The following VASP variants were observed in gnomAD, a reference collection of about 807,000 sequenced individuals.
VASP encodes the protein vasodilator-stimulated phosphoprotein.
A neutral mutation model predicts 54.4 loss-of-function variants in VASP; 27 were observed. The ratio of observed to expected loss-of-function variants is 0.50; its 90% CI spans 0.37 to 0.68. VASP has a LOEUF of 0.68. VASP is among the 30% of genes least tolerant of loss of function. VASP has a pLI of 0.00. For missense variants in VASP, 488 were observed against 528.3 expected, an observed-to-expected ratio of 0.92 and a Z score of 0.75; for synonymous variants, 233 against 209.8, an observed-to-expected ratio of 1.11 and a Z score of -0.96.
In VASP at chr19:45,524,156, C is replaced by A. The variant is rs758292139; in HGVS notation, c.956+14C>A. On this transcript the variant is annotated intron_variant, in intron 10 of 12. Coordinates refer to ENST00000245932, the MANE Select transcript of VASP (RefSeq NM_003370.4). Reference sequence around the variant, plus strand: ...AACCTTGCCAAGGTAGGCCATCGGTCCTGGGGCCCTTGGGGAGGTAAAGGC... The same window carrying A: ...AACCTTGCCAAGGTAGGCCATCGGTACTGGGGCCCTTGGGGAGGTAAAGGC... 2 of 1,612,872 alleles carry A rather than the reference C, an allele frequency of 1.2e-6. No homozygotes were observed. The highest frequency in any genetic ancestry group is 1.7e-5 in the Admixed American group (1 of 59,980).
chr19:45,507,752 C>T lies in VASP; in HGVS notation c.-20C>T. 6.6e-7 allele frequency: 1 copy of T among 1,510,266 alleles called. No homozygotes were observed. The highest frequency in any genetic ancestry group is 8.8e-7 in the Non-Finnish European group (1 of 1,136,480). The allele number at this position is 1,510,266 out of a possible 1,614,324, so 93.6% of individuals were successfully genotyped here. A position where few individuals can be genotyped will look rare whatever the true frequency, so the allele number is the denominator to read the frequency against. On this transcript the variant is annotated 5_prime_UTR_variant, in exon 1 of 13. Coordinates refer to ENST00000245932, the MANE Select transcript of VASP (RefSeq NM_003370.4). This position sits in a 1 kb window ranked among gnomAD's most constrained non-coding sequence, Gnocchi z 4.4. ...GGGAGCAGCCAGCCCGTGGGCGAGC[C>T]GCCCGCCCGCCGAGCAGCCATGAGG...
chr19:45,517,875 A>ACC, intron 2 of VASP, 41 bp downstream of exon 2: 4 of 1,578,744 alleles, frequency 2.5e-6, no homozygotes. Context: ...CTGAACCCCT[A>ACC]CCCGCCCCAC....
chr19:45,513,516 G>T (rs1057155023), intron 1 of VASP, among the ~76,000 whole-genome samples: 2 of 128,656 alleles, frequency 1.6e-5, no homozygotes, highest in Admixed American at 9.7e-5. Flanking sequence ...CTGTCTCCCA[G>T]ACTGGAGTGC....
At chr19:45,519,548 C>T (rs1166426239) in intron 3 of VASP, among the ~76,000 whole-genome samples, 3 of 151,056 alleles carry the variant, frequency 2.0e-5, no homozygotes, top group Admixed American at 1.3e-4. Flanking sequence ...CTTCAGCCTC[C>T]TAAAGTGCTG....
chr19:45,517,542 C>T (rs937890953), intron 1 of VASP, 121 bp from the exon 2 acceptor site: 4 of 1,325,752 alleles, frequency 3.0e-6, no homozygotes, highest in Non-Finnish European at 4.1e-6. Flanking sequence ...GTCCACGTGG[C>T]TCCTGCCTCC....
At chr19:45,521,444 C>A (rs942970721) in intron 4 of VASP, 38 bp downstream of exon 4, 1 of 1,478,368 alleles carries the variant, frequency 6.8e-7, no homozygotes, top group Non-Finnish European at 9.0e-7. Flanking sequence ...TTAGCCGCTG[C>A]CAGAGTTCCA....
At chr19:45,523,564 G>C in intron 7 of VASP, 80 bp from the exon 8 acceptor site, 1 of 1,512,808 alleles carries the variant, frequency 6.6e-7, no homozygotes, top group Non-Finnish European at 9.1e-7. Context: ...TATGCGCTAG[G>C]ATCTACATTT....
At chr19:45,522,928 C>T (rs1968875085) in intron 7 of VASP, 110 bp downstream of exon 7, 1 of 1,132,152 alleles carries the variant, frequency 8.8e-7, no homozygotes, top group South Asian at 1.5e-5. Context: ...GAATGTTCCC[C>T]CTTTGATAAC....
At chr19:45,514,695 CCCCGGGCTCCTGGCCAGAGTCGG>C (rs1177324387) in intron 1 of VASP, among the ~76,000 whole-genome samples, 2 of 152,326 alleles carry the variant, frequency 1.3e-5, no homozygotes, top group Middle Eastern at 3.4e-3. Context: ...GCAGCAGCAG[CCCCGGGCTCCTGGCCAGAGTCGG>C]CCCTGGGTGT....
rs1030988719 is a variant in VASP, at chr19:45,517,925, C to G, written c.178-4C>G. The G allele has an allele frequency of 6.2e-7, 1 of 1,612,782 alleles. No individual in the cohort carries two copies. Among genetic ancestry groups the G allele is most frequent in the African/African-American group, 1.3e-5 (1 of 74,862 alleles). On this transcript the variant is annotated splice_polypyrimidine_tract_variant and splice_region_variant and intron_variant, in intron 2 of 12. Coordinates refer to ENST00000245932, the MANE Select transcript of VASP (RefSeq NM_003370.4). Reference sequence around the variant, plus strand: ...CCCCTCACCCCCCTTTCCCCTCCCACCAGGTGGTCATCAACTGTGCCATCG... The same window carrying G: ...CCCCTCACCCCCCTTTCCCCTCCCAGCAGGTGGTCATCAACTGTGCCATCG...
intron 11 of VASP, 136 bp from the exon 12 acceptor site, chr19:45,525,810 A>G: frequency 1.3e-6 from 1 of 799,502 alleles, no homozygotes; most frequent in Non-Finnish European, 2.0e-6. Flanking sequence ...TTGAGGCTGC[A>G]ATGAGCTGTG....
At chr19:45,524,541 G>A (rs898128737) in intron 10 of VASP, 29 bp from the exon 11 acceptor site, 1 of 1,606,020 alleles carries the variant, frequency 6.2e-7, no homozygotes, top group Non-Finnish European at 8.5e-7. Flanking sequence ...TAATCTCATT[G>A]CTGTCCCAAA....
Position 45,521,333 on chromosome 19 carries a change from C to T in VASP, c.355C>T (p.Pro119Ser). ...CTCTCACCTTTCAGGAGGTGGGCCC[C>T]CTCCACCCCCAGCACTTCCCACCTG... ...ALEALEGGGP[P>S]PPPALPTWSV... Residue 119 changes from proline to serine, a missense_variant, in exon 4 of 13, where the codon CCT becomes TCT. Physicochemically the swap from Pro to Ser is moderately conservative, Grantham distance 74. Coordinates refer to ENST00000245932, the MANE Select transcript of VASP (RefSeq NM_003370.4). 1 of 1,577,710 alleles carries T rather than the reference C, an allele frequency of 6.3e-7. No homozygotes were observed. Among genetic ancestry groups the T allele is most frequent in the Non-Finnish European group, 8.6e-7 (1 of 1,161,702 alleles).
Position 45,526,145 on chromosome 19 carries a change from G to A in VASP, c.1111G>A (p.Val371Ile), listed in dbSNP as rs144238584. 6.8e-6 allele frequency: 11 copies of A among 1,613,562 alleles called. No individual in the cohort carries two copies. Among genetic ancestry groups the A allele is most frequent in the African/African-American group, 2.7e-5 (2 of 74,856 alleles). Residue 371 changes from valine (V) to isoleucine (I), a missense_variant, in exon 13 of 13, where the codon GTC becomes ATC. Transcript: ENST00000245932. ...KVKEEIIEAF[V>I]QELRKRGSP The stretch of plus-strand genomic sequence containing the variant: ...TGCTCCTTGTTTCCTTCCAGCCTTC[G>A]TCCAGGAGCTGAGGAAGCGGGGTTC...
Position 45,517,910 on chromosome 19 carries a change from C to A in VASP, c.178-19C>A, listed in dbSNP as rs1203702838. 1.9e-6 allele frequency: 3 copies of A among 1,607,360 alleles called. No homozygotes were observed. The African/African-American group carries it at 4.0e-5, about 21-fold the overall frequency. On this transcript the variant is annotated intron_variant, in intron 2 of 12. Coordinates refer to ENST00000245932, the MANE Select transcript of VASP (RefSeq NM_003370.4). ...CCCCTGCGCCCGCCGCCCCTCACCC[C>A]CCTTTCCCCTCCCACCAGGTGGTCA...
intron 1 of VASP, 49 bp from the exon 2 acceptor site, chr19:45,517,614 C>G (rs1043726930): frequency 6.3e-7 from 1 of 1,580,042 alleles, no homozygotes; most frequent in Non-Finnish European, 8.6e-7. Context: ...CCAGGAGAGA[C>G]CCAGATAAGA....
chr19:45,520,022 C>G (rs1256333771), intron 3 of VASP, among the ~76,000 whole-genome samples: 1 of 149,956 alleles, frequency 6.7e-6, no homozygotes, highest in Non-Finnish European at 1.5e-5. Flanking sequence ...CTGCCTCAGC[C>G]TCCTGAGTAG....
At chr19:45,525,738 A>G in intron 11 of VASP, 1 of 495,870 alleles carries the variant, frequency 2.0e-6, no homozygotes, top group Non-Finnish European at 3.6e-6. Flanking sequence ...TTGTGGCGGC[A>G]GGTGACTGTG....
intron 3 of VASP, among the ~76,000 whole-genome samples, chr19:45,520,113 G>A (rs1968800108): frequency 1.3e-5 from 2 of 151,750 alleles, no homozygotes; most frequent in African/African-American, 4.8e-5. Context: ...TGTTGGCCAG[G>A]CTGGTCTCGA....
Sources: gnomAD v4.1 joint callset for allele counts (sites outside exome capture counted in the v4.1 genomes callset) on GRCh38, gnomAD v4.1.1 for gene constraint, Gnocchi (gnomAD v3.1) non-coding constraint, MANE v1.5 for transcripts, NCBI Gene and HGNC (gene_info 2026-07-23, HGNC 2026-07-21) for gene names.